The following POTEG variants were observed in gnomAD, a reference collection of about 807,000 sequenced individuals.
POTEG encodes the protein POTE ankyrin domain family member G, also known as ANKRD26-like family C member 2.
Under a neutral mutation model 49.6 loss-of-function variants are expected in POTEG, and 2 were observed. The ratio of observed to expected loss-of-function variants is 0.04; its 90% CI spans 0.02 to 0.13. POTEG has a LOEUF of 0.13. Among genes scored for constraint, POTEG ranks in the 10% least tolerant of loss-of-function variants. The pLI is 1.00. For missense variants in POTEG, 26 were observed against 545.2 expected (o/e 0.05, Z 9.48); for synonymous variants, 7 against 186.6 (o/e 0.04, Z 7.84).
chr14:19,432,440 A>ATACATATATATATACG (rs1566383389), intron 1 of POTEG, among the ~76,000 whole-genome samples: 21 of 85,530 alleles, frequency 2.5e-4, no homozygotes, highest in African/African-American at 1.0e-3. Flanking sequence ...ACGTATATAT[A>ATACATATATATATACG]TATATACATA....
intron 7 of POTEG, among the ~76,000 whole-genome samples, chr14:19,415,697 A>T (rs754616967): frequency 0.035 from 4,628 of 130,816 alleles, 6 homozygotes; most frequent in South Asian, 0.1. Context: ...AGAATATTTT[A>T]AAATAAGAGT....
At position 19,419,902 on chromosome 14, in the gene POTEG, C is replaced by T. The variant is rs1268138316; in HGVS notation, c.1126+1722G>A. On this transcript the variant is annotated intron_variant, in intron 6 of 10. Transcript: ENST00000547848. ...CAAAGCATTCTACCTGGTAAACTTCCCATGGCCCATGGGGTAAAACCTACT... is the reference window on the plus strand; with the variant it reads ...CAAAGCATTCTACCTGGTAAACTTCTCATGGCCCATGGGGTAAAACCTACT... Among the ~76,000 whole-genome samples the T allele has an allele frequency of 2.1e-5, 3 of 140,980 alleles. 1 individual carries two copies. Among genetic ancestry groups the T allele is most frequent in the Non-Finnish European group, 4.5e-5 (3 of 65,980 alleles). The allele number at this position is 140,980 out of a possible 152,430, so 92.5% of individuals were successfully genotyped here.
At chr14:19,432,130 C>T (rs1369800586) in intron 1 of POTEG, among the ~76,000 whole-genome samples, 60 of 45,078 alleles carry the variant, frequency 1.3e-3, no homozygotes, top group African/African-American at 5.6e-3. Context: ...GGGTGGATCA[C>T]GAGGACAGGA....
chr14:19,425,916 C>T (rs1883926059), intron 3 of POTEG, among the ~76,000 whole-genome samples: 2 of 26,744 alleles, frequency 7.5e-5, no homozygotes, highest in Non-Finnish European at 1.6e-4. Flanking sequence ...ACCACAGTAA[C>T]TCTACTCATC....
intron 3 of POTEG, chr14:19,426,899 G>C: frequency 2.4e-6 from 1 of 411,472 alleles, no homozygotes; most frequent in African/African-American, 2.2e-5. Flanking sequence ...GTTGAGGTTG[G>C]AGGACCATCT....
At position 19,415,368 on chromosome 14, in the gene POTEG, T is replaced by C; in HGVS notation, c.1198-762A>G. Among the ~76,000 whole-genome samples the C allele has an allele frequency of 1.4e-5, 2 of 144,654 alleles. 1 individual carries two copies. Among genetic ancestry groups the C allele is most frequent in the African/African-American group, 5.0e-5 (2 of 40,316 alleles). 94.9% of individuals were successfully genotyped at this position (144,654 alleles called of 152,430 possible). ...TTCCTTTAATAGGCAGTTGGGTTGC[T>C]TTTTTGACCTGGTTCCCTCCCTGAA... is the stretch of plus-strand genomic sequence containing the variant. On this transcript the variant is annotated intron_variant, in intron 7 of 10. Coordinates refer to ENST00000547848, the MANE Select transcript of POTEG (RefSeq NM_001005356.3).
rs1178771077 is a variant in POTEG at position 19,433,079 on chromosome 14, C to T, written c.521+690G>A. On this transcript the variant is annotated intron_variant, in intron 1 of 10. Coordinates refer to ENST00000547848, the MANE Select transcript of POTEG (RefSeq NM_001005356.3). ...AGCTGGGACTACAGGTGCCTGCCACCGCGTCCAGCTAATTTTTTTTATATT... is the reference window on the plus strand; with the variant it reads ...AGCTGGGACTACAGGTGCCTGCCACTGCGTCCAGCTAATTTTTTTTATATT... Among the ~76,000 whole-genome samples the T allele has an allele frequency of 2.4e-4, 33 of 136,094 alleles. No homozygotes were observed. In the South Asian group the frequency reaches 5.4e-3, roughly 22 times the overall value. The allele number at this position is 136,094 out of a possible 152,430, so 89.3% of individuals were successfully genotyped here. A position where few individuals can be genotyped will look rare whatever the true frequency, so the allele number is the denominator to read the frequency against.
Position 19,425,528 on chromosome 14 carries a change from C to T in POTEG, c.917+78G>A. ...TGATCACTATATCCCAATAAGTATA[C>T]ATTAATCTTATTTAATATTTATGAC... On this transcript the variant is annotated intron_variant, in intron 4 of 10. Coordinates refer to ENST00000547848, the MANE Select transcript of POTEG (RefSeq NM_001005356.3). 4 of 566,092 alleles carry T rather than the reference C, an allele frequency of 7.1e-6. 1 individual carries two copies. The highest frequency in any genetic ancestry group is 1.0e-5 in the Non-Finnish European group (4 of 381,750). The allele number at this position is 566,092 out of a possible 1,614,324, so 35.1% of individuals were successfully genotyped here.
intron 1 of POTEG, among the ~76,000 whole-genome samples, chr14:19,433,328 A>G (rs1310546234): frequency 1.7e-5 from 2 of 115,328 alleles, no homozygotes; most frequent in Non-Finnish European, 3.6e-5. Flanking sequence ...TACTCAGTAA[A>G]GAACATATTT....
chr14:19,424,478 G>C, intron 4 of POTEG, 176 bp from the exon 5 acceptor site: 1 of 362,656 alleles, frequency 2.8e-6, no homozygotes, highest in Non-Finnish European at 3.9e-6. Flanking sequence ...AAGGTTAAAA[G>C]GAAGGGACAA....
intron 9 of POTEG, among the ~76,000 whole-genome samples, chr14:19,408,353 CACCA>C (rs1883341892): frequency 1.0e-5 from 1 of 95,694 alleles, no homozygotes; most frequent in African/African-American, 4.2e-5. Context: ...TGGCTTTGCT[CACCA>C]ACCAATATCA....
At chr14:19,415,980 G>A (rs1461809069) in intron 7 of POTEG, among the ~76,000 whole-genome samples, 1 of 149,624 alleles carries the variant, frequency 6.7e-6, no homozygotes, top group Non-Finnish European at 1.5e-5. Context: ...GAGTAGCTGA[G>A]ACTACAGGTG....
chr14:19,433,335 AT>A (rs1334296425), intron 1 of POTEG, among the ~76,000 whole-genome samples: 1 of 114,178 alleles, frequency 8.8e-6, no homozygotes, highest in Non-Finnish European at 1.8e-5. Context: ...TAAAGAACAT[AT>A]TTACATAGTG....
chr14:19,415,214 T>C (rs1387930929), intron 7 of POTEG, among the ~76,000 whole-genome samples: 2 of 143,124 alleles, frequency 1.4e-5, no homozygotes, highest in Admixed American at 7.0e-5. Context: ...CCAGTTCTAA[T>C]ATATTCTAAT....
At position 19,432,366 on chromosome 14, in the gene POTEG, GTATATATA is replaced by G. The variant is rs58599371; in HGVS notation, c.521+1395_521+1402del. Among the ~76,000 whole-genome samples, 70 of 37,874 alleles carry G rather than the reference GTATATATA, an allele frequency of 1.8e-3. 1 individual carries two copies. Among genetic ancestry groups the G allele is most frequent in the African/African-American group, 4.0e-3 (33 of 8,344 alleles). The allele number at this position is 37,874 out of a possible 152,430, so 24.8% of individuals were successfully genotyped here. A position where few individuals can be genotyped will look rare whatever the true frequency, so the allele number is the denominator to read the frequency against. On this transcript the variant is annotated intron_variant, in intron 1 of 10. Transcript: ENST00000547848. ...CCATCAAAAAAAAAAAAGAAATTTT[GTATATATA>G]TATATATATATATATATATATATAT...
intron 1 of POTEG, among the ~76,000 whole-genome samples, chr14:19,432,406 A>ATATATG (rs1884184814): frequency 1.1e-5 from 1 of 93,944 alleles, no homozygotes; most frequent in African/African-American, 4.4e-5. Context: ...ATATATATAC[A>ATATATG]CACACATGTA....
intron 1 of POTEG, among the ~76,000 whole-genome samples, chr14:19,431,585 CAG>C: frequency 8.6e-6 from 1 of 116,280 alleles, no homozygotes; most frequent in African/African-American, 3.4e-5. Flanking sequence ...GGATAGAAAA[CAG>C]TATTTCATTC....
Position 19,402,800 on chromosome 14 carries a change from ACC to A in POTEG, c.*309_*310del. 2.3e-6 allele frequency: 1 copy of A among 431,442 alleles called. No homozygotes were observed. 26.7% of individuals were successfully genotyped at this position (431,442 alleles called of 1,614,324 possible). On this transcript the variant is annotated 3_prime_UTR_variant, in exon 11 of 11. Coordinates refer to ENST00000547848, the MANE Select transcript of POTEG (RefSeq NM_001005356.3). ...CCCATCATGTTCTGGTGCCTGGGGC[ACC>A]CCACGATGGAAGGGAAGACAGCCCG...
At chr14:19,433,528 C>G (rs1372656246) in intron 1 of POTEG, among the ~76,000 whole-genome samples, 1 of 108,712 alleles carries the variant, frequency 9.2e-6, no homozygotes, top group African/African-American at 3.7e-5. Flanking sequence ...TAAATCACTT[C>G]AAAACAGTCT....
Sources: allele counts gnomAD v4.1 joint callset (sites outside exome capture counted in the v4.1 genomes callset), GRCh38; gene constraint gnomAD v4.1.1; transcripts MANE v1.5; gene names NCBI Gene and HGNC (gene_info 2026-07-23, HGNC 2026-07-21).